MINK1: variants seen among roughly 807,000 people sequenced by gnomAD.
The protein encoded by MINK1 is misshapen like kinase 1.
In MINK1, 46 loss-of-function variants were observed where a neutral mutation model predicts 178.4. The ratio of observed to expected loss-of-function variants is 0.26; its 90% CI spans 0.20 to 0.33. The LOEUF (loss-of-function observed/expected upper bound fraction) is 0.33. Ranked by LOEUF, MINK1 falls within the 10% of genes least tolerant of loss-of-function variation. The pLI, the probability that MINK1 is intolerant of heterozygous loss-of-function variation, is 1.00. For synonymous variants in MINK1, 797 were observed against 709.7 expected (o/e 1.12, Z -1.96); for missense variants, 1,366 against 1,814.9 (o/e 0.75, Z 4.49).
intron 2 of MINK1, among the ~76,000 whole-genome samples, chr17:4,879,305 C>G (rs934189416): frequency 1.3e-5 from 2 of 152,232 alleles, no homozygotes; most frequent in African/African-American, 4.8e-5. Context: ...AATGCTGCCT[C>G]TGACTGGAGC....
In MINK1 at chr17:4,841,325, C is replaced by T. The variant is rs141418531; in HGVS notation, c.57+7685C>T. On this transcript the variant is annotated intron_variant, in intron 1 of 31. Coordinates refer to ENST00000355280, the MANE Select transcript of MINK1 (RefSeq NM_153827.5). ...ACAAAGAATGGGAAATTTCTCACAC[C>T]GTCTTGTTCCAGGAACCACCTGGGG... 9.1e-3 allele frequency among the ~76,000 whole-genome samples: 1,391 copies of T among 152,198 alleles called. 9 individuals carry two copies. The highest frequency in any genetic ancestry group is 0.015 in the Non-Finnish European group (1,023 of 68,006).
At chr17:4,841,655 A>C (rs1337384451) in intron 1 of MINK1, among the ~76,000 whole-genome samples, 1 of 151,756 alleles carries the variant, frequency 6.6e-6, no homozygotes, top group East Asian at 1.9e-4. Context: ...CCACTTCCTT[A>C]TGTGTAGAGA....
In MINK1 at chr17:4,896,773, G is replaced by A. The variant is rs1394236990; in HGVS notation, c.3875G>A (p.Arg1292Gln). The A allele has an allele frequency of 3.1e-6, 5 of 1,587,638 alleles. No individual in the cohort carries two copies. The highest frequency in any genetic ancestry group is 1.7e-4 in the Middle Eastern group (1 of 5,942). ...CTCGACGGGGTCTTCATGCACAAAC[G>A]AGCTCAGAGGCTCAAGTTCCTGTGT... ...GHLDGVFMHK[R>Q]AQRLKFLCER... The change falls in exon 31 of 32, where the codon CGA (arginine) becomes CAA (glutamine). Residue 1292 changes from arginine (R) to glutamine (Q), a missense_variant. By Grantham distance (43) the Arg-to-Gln change is conservative (BLOSUM62 1). Around this residue, in one of 14 missense-constraint regions of MINK1, gnomAD observed 201 missense variants for 240.7 expected, o/e 0.84. Transcript: ENST00000355280. This position sits in a 1 kb window ranked among gnomAD's most constrained non-coding sequence, Gnocchi z 4.6.
intron 1 of MINK1, among the ~76,000 whole-genome samples, chr17:4,839,391 T>C (rs1909840076): frequency 6.6e-6 from 1 of 152,202 alleles, no homozygotes; most frequent in African/African-American, 2.4e-5. Context: ...TCAGCCCCAC[T>C]CCCTTCGACA....
rs766973401 is a variant in MINK1 at position 4,887,435 on chromosome 17, A to G, written c.1020-145A>G. 3.6e-5 allele frequency: 28 copies of G among 787,092 alleles called. No individual in the cohort carries two copies. Among genetic ancestry groups the G allele is most frequent in the Non-Finnish European group, 5.0e-5 (25 of 496,042 alleles). 48.8% of individuals were successfully genotyped at this position (787,092 alleles called of 1,614,324 possible). A position where few individuals can be genotyped will look rare whatever the true frequency, so the allele number is the denominator to read the frequency against. Reference sequence around the variant, plus strand: ...AGGACTGAAGACTGGGCAGAAGGGGACGGTAAGTCTCCTGGCCACCTGGGA... The same window carrying G: ...AGGACTGAAGACTGGGCAGAAGGGGGCGGTAAGTCTCCTGGCCACCTGGGA... On this transcript the variant is annotated intron_variant, in intron 11 of 31. Coordinates refer to ENST00000355280, the MANE Select transcript of MINK1 (RefSeq NM_153827.5). The surrounding 1 kb of genome is among the most constrained non-coding windows in gnomAD (Gnocchi z 7.6).
intron 1 of MINK1, among the ~76,000 whole-genome samples, chr17:4,860,054 A>G (rs1272562226): frequency 6.6e-6 from 1 of 151,494 alleles, no homozygotes; most frequent in African/African-American, 2.4e-5. Context: ...AGCGGGGTAC[A>G]GGGGGAAGGG....
chr17:4,839,940 TGTGTGTG>T (rs1286916846), intron 1 of MINK1, among the ~76,000 whole-genome samples: 1 of 954 alleles, frequency 1.0e-3, no homozygotes, highest in African/African-American at 5.7e-3. Flanking sequence ...TATTTATTAA[TGTGTGTG>T]TGTGTGTGTG....
chr17:4,839,046 C>A (rs1266661230), intron 1 of MINK1, among the ~76,000 whole-genome samples: 4 of 152,086 alleles, frequency 2.6e-5, no homozygotes. Context: ...CAGGTTCACG[C>A]CATTCTCCTG....
At chr17:4,876,834 TC>T (rs1007163483) in intron 1 of MINK1, among the ~76,000 whole-genome samples, 2 of 151,980 alleles carry the variant, frequency 1.3e-5, no homozygotes, top group Non-Finnish European at 2.9e-5. Context: ...ACACCTGTAA[TC>T]CCAGTACTTT....
rs1969414092 is a variant in MINK1 at position 4,895,961 on chromosome 17, A to G, written c.3365-42A>G. 1 of 1,571,194 alleles carries G rather than the reference A, an allele frequency of 6.4e-7. No individual in the cohort carries two copies. Among genetic ancestry groups the G allele is most frequent in the South Asian group, 1.2e-5 (1 of 85,988 alleles). The stretch of plus-strand genomic sequence containing the variant: ...GACCACGGGGAGGCGCCCGTGGCGC[A>G]AGAAGGGAAGTCTCAGCATCCCTCT... On this transcript the variant is annotated intron_variant, in intron 27 of 31. Transcript: ENST00000355280. The surrounding 1 kb of genome is among the most constrained non-coding windows in gnomAD (Gnocchi z 4.3).
At position 4,892,736 on chromosome 17, in the gene MINK1, A is replaced by T. The variant is rs760470857; in HGVS notation, c.2279A>T (p.Gln760Leu). 1.9e-6 allele frequency: 3 copies of T among 1,611,626 alleles called. No individual in the cohort carries two copies. The highest frequency in any genetic ancestry group is 4.5e-5 in the East Asian group (2 of 44,882). ...CCAGCCTCTCACGGGCACCTCCCCC[A>T]GGCTGGCTCACTGGAGCGGAACCGC... Reference protein sequence around the residue: ...VLPASHGHLPQAGSLERNRVG... With the variant: ...VLPASHGHLPLAGSLERNRVG... Residue 760 changes from glutamine to leucine, a missense_variant, in exon 19 of 32, where the codon CAG becomes CTG. Physicochemically the swap from Gln to Leu is moderately radical, Grantham distance 113 (BLOSUM62 -2). Around this residue, in one of 14 missense-constraint regions of MINK1, gnomAD observed 709 missense variants for 692.3 expected, o/e 1.02. Transcript: ENST00000355280.
rs375613188 is a variant in MINK1, at chr17:4,896,156, G to C, written c.3466-37G>C. On this transcript the variant is annotated intron_variant, in intron 28 of 31. Transcript: ENST00000355280. The surrounding 1 kb of genome is among the most constrained non-coding windows in gnomAD (Gnocchi z 4.6). ...ATCTGGAGTCCCAGCGCCTCTCCCC[G>C]TGCCCCTGAGCCCTCCTCTCCTCCG... is the stretch of plus-strand genomic sequence containing the variant. 6.2e-7 allele frequency: 1 copy of C among 1,603,402 alleles called. No homozygotes were observed. The highest frequency in any genetic ancestry group is 8.5e-7 in the Non-Finnish European group (1 of 1,174,458).
In MINK1 at chr17:4,892,232, C is replaced by T. The variant is rs1297451944; in HGVS notation, c.2085C>T (p.Ala695=). Residue 695 remains alanine (A), a splice_region_variant and synonymous_variant, in exon 17 of 32, where the codon GCC becomes GCT. Coordinates refer to ENST00000355280, the MANE Select transcript of MINK1 (RefSeq NM_153827.5). ...CCCGGCCAGCCCAGGCAGTCCGTGC[C>T]AGGTAATGCCTGGGTAGGGCAACGC... ...GGSRPAQAVR[A]RPRSNSAWQI... The T allele has an allele frequency of 2.5e-6, 4 of 1,577,640 alleles. No individual in the cohort carries two copies. The African/African-American group carries it at 5.4e-5, about 21-fold the overall frequency.
rs1968813998 is a variant in MINK1, at chr17:4,891,518, C to T, written c.1803C>T (p.Ser601=). The change falls in exon 16 of 32, where the codon TCC becomes TCT. Residue 601 remains serine, a synonymous_variant. Coordinates refer to ENST00000355280, the MANE Select transcript of MINK1 (RefSeq NM_153827.5). ...CAGCACCTGTACCCCGATCCCAGTC[C>T]CTGCAGGACCAGCCCACCCGAAACC... ...PYAAPVPRSQ[S]LQDQPTRNLA... 1.2e-6 allele frequency: 2 copies of T among 1,612,008 alleles called. No homozygotes were observed. The highest frequency in any genetic ancestry group is 1.7e-6 in the Non-Finnish European group (2 of 1,179,088).
At chr17:4,847,419 G>A (rs1358357663) in intron 1 of MINK1, among the ~76,000 whole-genome samples, 1 of 152,124 alleles carries the variant, frequency 6.6e-6, no homozygotes, top group African/African-American at 2.4e-5. Context: ...AGCTGATGCT[G>A]GTTTGAATCC....
intron 1 of MINK1, among the ~76,000 whole-genome samples, chr17:4,854,596 C>A (rs1264913393): frequency 6.6e-6 from 1 of 152,198 alleles, no homozygotes; most frequent in Non-Finnish European, 1.5e-5. Flanking sequence ...TCTCACACAT[C>A]CCTCTGGCAT....
At chr17:4,883,740 G>A (rs575357506) in intron 4 of MINK1, among the ~76,000 whole-genome samples, 3 of 141,082 alleles carry the variant, frequency 2.1e-5, no homozygotes, top group East Asian at 2.1e-4. Flanking sequence ...GGGTTTCACC[G>A]TGTTATCCAG....
intron 1 of MINK1, among the ~76,000 whole-genome samples, chr17:4,841,682 C>T (rs1364496978): frequency 1.3e-5 from 2 of 152,184 alleles, no homozygotes; most frequent in East Asian, 1.9e-4. Context: ...TCCATATTTC[C>T]TCTTGATCCC....
rs904744740 is a variant in MINK1, at chr17:4,894,952, T to G, written c.2918-123T>G. On this transcript the variant is annotated intron_variant, in intron 24 of 31. Transcript: ENST00000355280. This position sits in a 1 kb window ranked among gnomAD's most constrained non-coding sequence, Gnocchi z 4.1. ...CCCCTCTCCCATGCACCTCCTCTCCTCCTGTCTTTCTCCTCCTTTCTGCGT... is the reference window on the plus strand; with the variant it reads ...CCCCTCTCCCATGCACCTCCTCTCCGCCTGTCTTTCTCCTCCTTTCTGCGT... 3.7e-6 allele frequency: 4 copies of G among 1,092,208 alleles called. No homozygotes were observed. Among genetic ancestry groups the G allele is most frequent in the Admixed American group, 4.7e-5 (2 of 42,836 alleles). The allele number at this position is 1,092,208 out of a possible 1,614,324, so 67.7% of individuals were successfully genotyped here.
Sources: allele counts gnomAD v4.1 joint callset (sites outside exome capture counted in the v4.1 genomes callset), GRCh38; gene constraint gnomAD v4.1.1; regional missense constraint gnomAD v4.1.1; non-coding constraint Gnocchi (gnomAD v3.1); transcripts MANE v1.5; gene names NCBI Gene and HGNC (gene_info 2026-07-23, HGNC 2026-07-21).